Variants in DNAJA4 observed in about 807,000 individuals in gnomAD.
The protein encoded by DNAJA4 is dnaJ homolog subfamily A member 4.
In DNAJA4, 32 loss-of-function variants were observed where a neutral mutation model predicts 39.7. The ratio of observed to expected loss-of-function variants is 0.81; its 90% CI spans 0.61 to 1.08. The LOEUF (loss-of-function observed/expected upper bound fraction) is 1.08. Among genes scored for constraint, DNAJA4 ranks in the 50% least tolerant of loss-of-function variants. The pLI, the probability that DNAJA4 is intolerant of heterozygous loss-of-function variation, is 0.00. For synonymous variants in DNAJA4, 184 were observed against 182.4 expected (o/e 1.01, Z -0.07); for missense variants, 439 against 505.1 (o/e 0.87, Z 1.25).
chr15:78,273,923 G>C (rs1343797580), intron 3 of DNAJA4, among the ~76,000 whole-genome samples: 1 of 152,130 alleles, frequency 6.6e-6, no homozygotes, highest in Non-Finnish European at 1.5e-5. Flanking sequence ...AGTTCCACCT[G>C]GGGTGGAAGA....
intron 1 of DNAJA4, among the ~76,000 whole-genome samples, chr15:78,267,790 ATT>A (rs1450643465): frequency 6.6e-6 from 1 of 151,970 alleles, no homozygotes; most frequent in African/African-American, 2.4e-5. Flanking sequence ...ATACATAGAC[ATT>A]TTGTTTTCTT....
Position 78,275,693 on chromosome 15 carries a change from T to C in DNAJA4, c.842T>C (p.Leu281Ser), listed in dbSNP as rs372092147. The C allele has an allele frequency of 4.3e-6, 7 of 1,612,916 alleles. No homozygotes were observed. In the Admixed American group the frequency reaches 5.0e-5, roughly 12 times the overall value. ...LCGFKKTIKT[L>S]DNRILVITSK... Reference sequence around the variant, plus strand: ...GGCTTCAAGAAGACGATAAAAACATTGGACAATCGAATTCTTGTTATTACA... The same window carrying C: ...GGCTTCAAGAAGACGATAAAAACATCGGACAATCGAATTCTTGTTATTACA... Residue 281 changes from leucine to serine, a missense_variant, in exon 5 of 7, where the codon TTG becomes TCG. Leu to Ser is a moderately radical substitution (Grantham distance 145). Transcript: ENST00000394852.
At chr15:78,268,517 GCCTCAAATTCCCTTGTTCTCTC>G (rs1481442315) in intron 1 of DNAJA4, among the ~76,000 whole-genome samples, 1 of 152,130 alleles carries the variant, frequency 6.6e-6, no homozygotes, top group African/African-American at 2.4e-5. Flanking sequence ...GGGAATTAAT[GCCTCAAATTCCCTTGTTCTCTC>G]TCTCAAATTC....
chr15:78,267,354 G>A (rs2049169262), intron 1 of DNAJA4, among the ~76,000 whole-genome samples: 1 of 152,150 alleles, frequency 6.6e-6, no homozygotes, highest in Non-Finnish European at 1.5e-5. Flanking sequence ...AACTGAGAAG[G>A]CCGTTGAAAT....
At chr15:78,276,405 A>T (rs1039567323) in intron 5 of DNAJA4, among the ~76,000 whole-genome samples, 1 of 152,188 alleles carries the variant, frequency 6.6e-6, no homozygotes. Flanking sequence ...AGGGTTCCTG[A>T]GGCCTGAGCT....
At chr15:78,269,927 T>G (rs1377166733) in intron 1 of DNAJA4, 1 of 152,120 alleles carries the variant, frequency 6.6e-6, no homozygotes, top group Non-Finnish European at 1.5e-5. Context: ...CAGTGGGATT[T>G]GTTGACAGGT....
In DNAJA4 at chr15:78,280,454, G is replaced by A. The variant is rs757140628; in HGVS notation, c.1188G>A (p.Thr396=). The A allele has an allele frequency of 1.6e-5, 25 of 1,608,176 alleles. No homozygotes were observed. The highest frequency in any genetic ancestry group is 1.1e-4 in the South Asian group (10 of 90,492). The stretch of plus-strand genomic sequence containing the variant: ...CCCAGGCTGGAGTGCAGTGCCAGAC[G>A]GCATGACGTGGTGCGGGGCAGCGTG... ...DGPQAGVQCQ[T]A Residue 396 remains threonine (T), a synonymous_variant, in exon 7 of 7, where the codon ACG becomes ACA. Transcript: ENST00000394852.
At chr15:78,265,777 C>A in intron 1 of DNAJA4, 1 of 659,562 alleles carries the variant, frequency 1.5e-6, no homozygotes, top group South Asian at 1.7e-5. Flanking sequence ...TTGGTTGTTC[C>A]GCATGGGTCT....
chr15:78,264,445 C>A, upstream of DNAJA4: 1 of 1,325,470 alleles, frequency 7.5e-7, no homozygotes. Context: ...GCCGCGAACC[C>A]GCCGCGGGGC....
chr15:78,273,228 C>A, intron 3 of DNAJA4, 29 bp downstream of exon 3: 1 of 1,200,260 alleles, frequency 8.3e-7, no homozygotes. Flanking sequence ...CTGAACCGCA[C>A]AGTTCTGATC....
chr15:78,278,296 C>T (rs1380581193), intron 5 of DNAJA4: 2 of 455,810 alleles, frequency 4.4e-6, no homozygotes, highest in African/African-American at 4.0e-5. Flanking sequence ...CAGCAAGAAG[C>T]GACACCTGAT....
At chr15:78,269,183 G>A (rs984932521) in intron 1 of DNAJA4, among the ~76,000 whole-genome samples, 5 of 152,178 alleles carry the variant, frequency 3.3e-5, no homozygotes, top group African/African-American at 7.2e-5. Flanking sequence ...TCCCAGTGAC[G>A]TGGGCCACCT....
chr15:78,272,970 A>G (rs2049342640), intron 2 of DNAJA4, 125 bp from the exon 3 acceptor site: 1 of 662,828 alleles, frequency 1.5e-6, no homozygotes, highest in Non-Finnish European at 2.7e-6. Context: ...CAGGGAAGGG[A>G]GCGCATGACC....
intron 2 of DNAJA4, among the ~76,000 whole-genome samples, chr15:78,270,917 T>C (rs1313251495): frequency 2.6e-5 from 4 of 151,958 alleles, no homozygotes; most frequent in Non-Finnish European, 4.4e-5. Context: ...ATAAAAAACT[T>C]AGCCAGGCAT....
chr15:78,268,186 A>C (rs1373561099), intron 1 of DNAJA4, among the ~76,000 whole-genome samples: 1 of 152,140 alleles, frequency 6.6e-6, no homozygotes, highest in African/African-American at 2.4e-5. Flanking sequence ...GGACGTTCCC[A>C]TGAAGTTATT....
intron 1 of DNAJA4, among the ~76,000 whole-genome samples, chr15:78,268,876 G>C (rs2049216747): frequency 6.6e-6 from 1 of 152,202 alleles, no homozygotes; most frequent in Non-Finnish European, 1.5e-5. Context: ...GGTGGTTCAT[G>C]ATATGGAGAA....
chr15:78,277,790 T>C (rs2049513328), intron 5 of DNAJA4: 3 of 341,692 alleles, frequency 8.8e-6, no homozygotes, highest in South Asian at 7.0e-5. Flanking sequence ...GTGAGGGTGG[T>C]GGAGAAAGAG....
intron 1 of DNAJA4, 109 bp downstream of exon 1, chr15:78,265,004 T>C (rs2049081772): frequency 7.7e-7 from 1 of 1,292,380 alleles, no homozygotes; most frequent in Non-Finnish European, 1.0e-6. Flanking sequence ...GGGGAGGCTG[T>C]CGCCAGGCGC....
intron 1 of DNAJA4, chr15:78,265,375 C>T (rs922862445): frequency 4.5e-6 from 3 of 661,452 alleles, no homozygotes; most frequent in Non-Finnish European, 8.2e-6. Context: ...CTTGGACAAA[C>T]GCCGTGCCTC....
Sources: gnomAD v4.1 joint callset for allele counts (sites outside exome capture counted in the v4.1 genomes callset) on GRCh38, gnomAD v4.1.1 for gene constraint, MANE v1.5 for transcripts, NCBI Gene and HGNC (gene_info 2026-07-23, HGNC 2026-07-21) for gene names.